PIGK: variants seen among roughly 807,000 people sequenced by gnomAD.
The protein encoded by PIGK is GPI-anchor transamidase.
Under a neutral mutation model 50.6 loss-of-function variants are expected in PIGK, and 42 were observed. The ratio of observed to expected loss-of-function variants is 0.83; its 90% CI spans 0.65 to 1.07. The LOEUF (loss-of-function observed/expected upper bound fraction) is 1.07. Ranked by LOEUF, PIGK falls within the 50% of genes least tolerant of loss-of-function variation. The pLI, the probability that PIGK is intolerant of heterozygous loss-of-function variation, is 0.00. For missense variants in PIGK, 448 were observed against 488.7 expected (o/e 0.92, Z 0.78); for synonymous variants, 151 against 156.0 (o/e 0.97, Z 0.24).
chr1:77,110,152 G>C (rs1228281852), intron 10 of PIGK, among the ~76,000 whole-genome samples: 1 of 152,172 alleles, frequency 6.6e-6, no homozygotes, highest in African/African-American at 2.4e-5. Flanking sequence ...TCATGGGTAG[G>C]AAGAATCAAT....
intron 9 of PIGK, among the ~76,000 whole-genome samples, chr1:77,147,340 A>T (rs546159402): frequency 5.5e-4 from 83 of 152,060 alleles, no homozygotes; most frequent in African/African-American, 1.8e-3. Context: ...GGGGACACAG[A>T]GCCAAACCAT....
chr1:77,184,313 A>G (rs1274987634), intron 3 of PIGK, among the ~76,000 whole-genome samples: 2 of 152,162 alleles, frequency 1.3e-5, no homozygotes, highest in African/African-American at 4.8e-5. Context: ...TTTGAATTAC[A>G]AAAACAGAGA....
intron 3 of PIGK, among the ~76,000 whole-genome samples, chr1:77,177,876 C>T (rs954142789): frequency 1.3e-5 from 2 of 152,160 alleles, no homozygotes; most frequent in African/African-American, 4.8e-5. Context: ...TTCCTCCACA[C>T]TCTTAGAACT....
At chr1:77,113,414 T>C (rs1260724402) in intron 10 of PIGK, among the ~76,000 whole-genome samples, 1 of 152,078 alleles carries the variant, frequency 6.6e-6, no homozygotes, top group Non-Finnish European at 1.5e-5. Flanking sequence ...TGTGTATCTG[T>C]CTAGTTGTTT....
chr1:77,120,458 G>A (rs990812105), intron 10 of PIGK, among the ~76,000 whole-genome samples: 14 of 152,124 alleles, frequency 9.2e-5, no homozygotes, highest in Non-Finnish European at 1.9e-4. Flanking sequence ...GGGCTCAAGT[G>A]ATCCATCCAC....
rs142984986 is a variant in PIGK at position 77,116,285 on chromosome 1, A to G, written c.1071+5990T>C. On this transcript the variant is annotated intron_variant, in intron 10 of 10. Transcript: ENST00000370812. ...TGAAAGCTCCACCTCCCGGGTTCAC[A>G]CCATTCTCCTGCCTCAGCCTCCCAA... Among the ~76,000 whole-genome samples the G allele has an allele frequency of 5.4e-3, 818 of 151,744 alleles. 5 individuals are homozygous for G. The highest frequency in any genetic ancestry group is 0.019 in the African/African-American group (776 of 41,374).
intron 9 of PIGK, among the ~76,000 whole-genome samples, chr1:77,130,575 T>TGA (rs1654351459): frequency 1.3e-5 from 2 of 152,298 alleles, no homozygotes; most frequent in South Asian, 4.1e-4. Context: ...TTACCTAATC[T>TGA]GAACCAATAT....
At position 77,096,894 on chromosome 1, in the gene PIGK, T is replaced by TG. The variant is rs1459560044; in HGVS notation, c.1072-4405_1072-4404insC. Among the ~76,000 whole-genome samples the TG allele has an allele frequency of 2.7e-5, 4 of 146,692 alleles. No individual in the cohort carries two copies. In the East Asian group the frequency reaches 5.9e-4, roughly 22 times the overall value. ...CTTCGGGTTTTTCTTTTTTTTTTTT[T>TG]TTTGTTTTTTTGTTTTTTTGTTTTG... On this transcript the variant is annotated intron_variant, in intron 10 of 10. Transcript: ENST00000370812.
chr1:77,089,968 A>G lies in PIGK; in HGVS notation c.*2406T>C, dbSNP rs1653259539. ...CACCATGGGGGAGGAGAAAAAGAACAGCAAAGAGAACAAGAATCACATTGA... is the reference window on the plus strand; with the variant it reads ...CACCATGGGGGAGGAGAAAAAGAACGGCAAAGAGAACAAGAATCACATTGA... On this transcript the variant is annotated 3_prime_UTR_variant, in exon 11 of 11. Transcript: ENST00000370812. The G allele has an allele frequency of 6.6e-6, 1 of 152,240 alleles. No individual in the cohort carries two copies. The highest frequency in any genetic ancestry group is 1.5e-5 in the Non-Finnish European group (1 of 68,046). The allele number at this position is 152,240 out of a possible 1,614,324, so 9.4% of individuals were successfully genotyped here.
At chr1:77,140,083 G>A (rs1239786409) in intron 9 of PIGK, among the ~76,000 whole-genome samples, 2 of 152,100 alleles carry the variant, frequency 1.3e-5, no homozygotes, top group Non-Finnish European at 2.9e-5. Flanking sequence ...CAAATATCAG[G>A]TTGAACTGTA....
chr1:77,169,427 T>G, intron 3 of PIGK, 32 bp from the exon 4 acceptor site: 1 of 1,532,842 alleles, frequency 6.5e-7, no homozygotes, highest in Non-Finnish European at 8.9e-7. Flanking sequence ...AATATATAAT[T>G]TAGATAAAAG....
intron 9 of PIGK, chr1:77,129,606 G>C (rs1486462769): frequency 3.9e-6 from 6 of 1,541,668 alleles, no homozygotes; most frequent in Middle Eastern, 2.3e-4. Context: ...AGAGGAGGTT[G>C]CCCAGAAGAA....
rs377215474 is a variant in PIGK at position 77,117,492 on chromosome 1, T to C, written c.1071+4783A>G. Among the ~76,000 whole-genome samples, 3 of 152,154 alleles carry C rather than the reference T, an allele frequency of 2.0e-5. No individual in the cohort carries two copies. In the East Asian group the frequency reaches 5.8e-4, roughly 29 times the overall value. The stretch of plus-strand genomic sequence containing the variant: ...TCTGCTAATAAAATATAAGCCTAAA[T>C]TCCAGTGTTCTGAAAGCTAAACAGG... On this transcript the variant is annotated intron_variant, in intron 10 of 10. Coordinates refer to ENST00000370812, the MANE Select transcript of PIGK (RefSeq NM_005482.3).
chr1:77,130,616 T>C (rs191532105), intron 9 of PIGK, among the ~76,000 whole-genome samples: 4 of 152,290 alleles, frequency 2.6e-5, no homozygotes, highest in Admixed American at 2.0e-4. Flanking sequence ...AACTTTAAAA[T>C]AGAAAATGCT....
intron 9 of PIGK, among the ~76,000 whole-genome samples, chr1:77,146,875 G>A (rs111351620): frequency 8.5e-4 from 129 of 152,160 alleles, no homozygotes; most frequent in African/African-American, 3.0e-3. Context: ...AGGCTGAGGT[G>A]GGAGGATCAC....
intron 3 of PIGK, among the ~76,000 whole-genome samples, chr1:77,179,020 G>A (rs145675253): frequency 1.3e-5 from 2 of 152,284 alleles, no homozygotes; most frequent in East Asian, 3.9e-4. Flanking sequence ...TCATGCGCTA[G>A]GCCCCAACAG....
chr1:77,148,252 A>G (rs1427653706), intron 9 of PIGK, among the ~76,000 whole-genome samples: 1 of 152,182 alleles, frequency 6.6e-6, no homozygotes, highest in African/African-American at 2.4e-5. Context: ...CAATGAGATA[A>G]TATTTATAGC....
chr1:77,199,984 T>C (rs1656123574), intron 3 of PIGK, among the ~76,000 whole-genome samples: 1 of 152,142 alleles, frequency 6.6e-6, no homozygotes, highest in South Asian at 2.1e-4. Flanking sequence ...AGTAACCATG[T>C]AGTAGTTGTC....
intron 9 of PIGK, among the ~76,000 whole-genome samples, chr1:77,147,369 G>C (rs1362651514): frequency 1.3e-5 from 2 of 148,772 alleles, no homozygotes; most frequent in Non-Finnish European, 3.0e-5. Context: ...GAGAGAGGAG[G>C]GAACGGGAGG....
Sources: gnomAD v4.1 joint callset for allele counts (sites outside exome capture counted in the v4.1 genomes callset) on GRCh38, gnomAD v4.1.1 for gene constraint, MANE v1.5 for transcripts, NCBI Gene and HGNC (gene_info 2026-07-23, HGNC 2026-07-21) for gene names.